Variants in MYBL1 observed in about 807,000 individuals in gnomAD.
The protein encoded by MYBL1 is MYB proto-oncogene like 1.
A neutral mutation model predicts 96.3 loss-of-function variants in MYBL1; 17 were observed. The ratio of observed to expected loss-of-function variants is 0.18; its 90% confidence interval spans 0.12 to 0.26. MYBL1 has a LOEUF of 0.26. MYBL1 is among the 10% of genes least tolerant of loss of function. MYBL1 has a pLI of 1.00. For synonymous variants in MYBL1, 282 were observed against 292.7 expected (o/e 0.96, Z 0.37); for missense variants, 701 against 882.9 (o/e 0.79, Z 2.61).
At chr8:66,577,844 G>A (rs1205853827) in intron 9 of MYBL1, among the ~76,000 whole-genome samples, 2 of 152,214 alleles carry the variant, frequency 1.3e-5, no homozygotes, top group African/African-American at 4.8e-5. Flanking sequence ...CAAGGCTACA[G>A]TAACCAAAAC....
At chr8:66,586,328 G>A (rs1039980928) in intron 8 of MYBL1, among the ~76,000 whole-genome samples, 9 of 152,060 alleles carry the variant, frequency 5.9e-5, no homozygotes, top group African/African-American at 2.2e-4. Flanking sequence ...TTACAAGCAT[G>A]AGACAAGGCA....
At chr8:66,612,564 G>A in intron 1 of MYBL1, 1 of 402,130 alleles carries the variant, frequency 2.5e-6, no homozygotes, top group South Asian at 1.4e-4. Context: ...CAGAAATCTG[G>A]ACGCGCATTA....
chr8:66,568,761 T>C (rs968795785), intron 12 of MYBL1, among the ~76,000 whole-genome samples: 3 of 152,136 alleles, frequency 2.0e-5, no homozygotes, highest in Non-Finnish European at 4.4e-5. Context: ...GCGCAGTGGC[T>C]CATGCCTGTA....
chr8:66,596,493 A>C (rs1194272597), intron 5 of MYBL1, among the ~76,000 whole-genome samples: 1 of 152,192 alleles, frequency 6.6e-6, no homozygotes, highest in Non-Finnish European at 1.5e-5. Flanking sequence ...AAAAGTAAGA[A>C]GACGTATAAG....
At chr8:66,600,166 G>T (rs1407410878) in intron 3 of MYBL1, among the ~76,000 whole-genome samples, 1 of 152,170 alleles carries the variant, frequency 6.6e-6, no homozygotes, top group Non-Finnish European at 1.5e-5. Flanking sequence ...CCTTATTTTA[G>T]TCAGTCCAGA....
At chr8:66,596,251 C>T (rs368920479) in intron 5 of MYBL1, among the ~76,000 whole-genome samples, 35 of 152,260 alleles carry the variant, frequency 2.3e-4, no homozygotes, top group African/African-American at 7.0e-4. Flanking sequence ...CAGGAACAAA[C>T]ATGATCATGA....
In MYBL1 at chr8:66,613,065, G is replaced by A. The variant is rs1586612300; in HGVS notation, c.-227C>T. ...GCAGCGCCGCTCTTAGCCCCGGCCC[G>A]GCCCGGCCAGGGATACCCCCAACAT... On this transcript the variant is annotated 5_prime_UTR_variant, in exon 1 of 16. Transcript: ENST00000522677. 2.4e-6 allele frequency: 1 copy of A among 423,674 alleles called. No homozygotes were observed. The highest frequency in any genetic ancestry group is 4.1e-6 in the Non-Finnish European group (1 of 246,434). The allele number at this position is 423,674 out of a possible 1,614,324, so 26.2% of individuals were successfully genotyped here.
chr8:66,571,417 G>A (rs990922346), intron 12 of MYBL1, among the ~76,000 whole-genome samples: 1 of 152,084 alleles, frequency 6.6e-6, no homozygotes, highest in African/African-American at 2.4e-5. Context: ...GATCTCCTTT[G>A]CATAGAAAAG....
intron 9 of MYBL1, among the ~76,000 whole-genome samples, chr8:66,578,851 C>T (rs1232831466): frequency 6.6e-6 from 1 of 152,110 alleles, no homozygotes; most frequent in Non-Finnish European, 1.5e-5. Flanking sequence ...CAATGATAGA[C>T]TGGATTAAGA....
intron 8 of MYBL1, among the ~76,000 whole-genome samples, chr8:66,590,480 G>A (rs1323575595): frequency 6.6e-6 from 1 of 151,736 alleles, no homozygotes; most frequent in Non-Finnish European, 1.5e-5. Context: ...AAATTAGCCG[G>A]GCATGTTGGT....
At chr8:66,566,279 T>A in intron 14 of MYBL1, 36 bp from the exon 15 acceptor site, 1 of 1,300,066 alleles carries the variant, frequency 7.7e-7, no homozygotes, top group South Asian at 1.5e-5. Context: ...AATAACTAAT[T>A]CAAAAATGGA....
Position 66,576,070 on chromosome 8 carries a change from G to A in MYBL1, c.1407C>T (p.Asn469=), listed in dbSNP as rs550415902. The A allele has an allele frequency of 3.3e-5, 53 of 1,613,874 alleles. No individual in the cohort carries two copies. The highest frequency in any genetic ancestry group is 5.3e-5 in the African/African-American group (4 of 75,008). Residue 469 remains asparagine (N), a synonymous_variant, in exon 10 of 16, where the codon AAC becomes AAT. Coordinates refer to ENST00000522677, the MANE Select transcript of MYBL1 (RefSeq NM_001080416.4). ...GTTTTAGCGCCATATTACCACCATC[G>A]TTCAATGAGCCATCCCTAAGTTCGC... The part of the protein sequence containing the change: ...PGSELRDGSL[N]DGGNMALKHT...
chr8:66,612,865 T>A lies in MYBL1; in HGVS notation c.-27A>T, dbSNP rs781377617. On this transcript the variant is annotated 5_prime_UTR_variant, in exon 1 of 16. Coordinates refer to ENST00000522677, the MANE Select transcript of MYBL1 (RefSeq NM_001080416.4). ...CTTCAAGTACCGCATAGGAGCAGGC[T>A]GGGCGGGGACGCGGGTCAGCCTCCT... 4.4e-6 allele frequency: 6 copies of A among 1,349,876 alleles called. No individual in the cohort carries two copies. Among genetic ancestry groups the A allele is most frequent in the Non-Finnish European group, 5.8e-6 (6 of 1,040,674 alleles). The allele number at this position is 1,349,876 out of a possible 1,614,324, so 83.6% of individuals were successfully genotyped here.
At chr8:66,565,845 C>T (rs1808482284) in intron 15 of MYBL1, among the ~76,000 whole-genome samples, 1 of 152,100 alleles carries the variant, frequency 6.6e-6, no homozygotes, top group Admixed American at 6.6e-5. Context: ...AATCACCAGA[C>T]CAGTCTTTGG....
In MYBL1 at chr8:66,564,672, G is replaced by A. The variant is rs367785536; in HGVS notation, c.*25C>T. 32 of 1,542,530 alleles carry A rather than the reference G, an allele frequency of 2.1e-5. No individual in the cohort carries two copies. Among genetic ancestry groups the A allele is most frequent in the Non-Finnish European group, 2.4e-5 (27 of 1,137,980 alleles). On this transcript the variant is annotated 3_prime_UTR_variant, in exon 16 of 16. Transcript: ENST00000522677. ...AGTAGAGACTGCAGTAAGGGAGTGG[G>A]GCATTTCATCAATTTTAATAACAAT...
At chr8:66,595,445 T>C (rs1033467012) in intron 6 of MYBL1, 138 bp downstream of exon 6, 30 of 427,180 alleles carry the variant, frequency 7.0e-5, no homozygotes, top group Non-Finnish European at 1.0e-4. Context: ...TATTTATAAA[T>C]CAAAGTTACA....
Position 66,595,069 on chromosome 8 carries a change from T to A in MYBL1, c.687+514A>T, listed in dbSNP as rs1226223887. On this transcript the variant is annotated intron_variant, in intron 6 of 15. Transcript: ENST00000522677. ...CTTGCCCCATTTTGAGCTCGTGTAA[T>A]ACCTACTTTAATGAATCATCTAAAC... Among the ~76,000 whole-genome samples the A allele has an allele frequency of 2.0e-5, 3 of 152,284 alleles. No individual in the cohort carries two copies. In the South Asian group the frequency reaches 6.2e-4, roughly 32 times the overall value.
chr8:66,605,689 G>T (rs1810283995), intron 1 of MYBL1, among the ~76,000 whole-genome samples: 1 of 151,996 alleles, frequency 6.6e-6, no homozygotes, highest in African/African-American at 2.4e-5. Context: ...GATGGTGGGT[G>T]CCTGTAATGC....
chr8:66,567,530 T>A (rs866665946), intron 12 of MYBL1, among the ~76,000 whole-genome samples: 3,747 of 150,814 alleles, frequency 0.025, 159 homozygotes, highest in African/African-American at 0.085. Context: ...AGAGTGAGTG[T>A]GTGTGTGTGT....
Sources: allele counts gnomAD v4.1 joint callset (sites outside exome capture counted in the v4.1 genomes callset), GRCh38; gene constraint gnomAD v4.1.1; transcripts MANE v1.5; gene names NCBI Gene and HGNC (gene_info 2026-07-23, HGNC 2026-07-21).